Variants in PDZD8 observed in about 807,000 individuals in gnomAD.
PDZD8 encodes PDZ domain-containing protein 8.
A neutral mutation model predicts 85.8 loss-of-function variants in PDZD8; 14 were observed. The ratio of observed to expected loss-of-function variants is 0.16; its 90% CI spans 0.11 to 0.26. The LOEUF is 0.26. PDZD8 is among the 10% of genes least tolerant of loss of function. The probability of loss-of-function intolerance (pLI) is 1.00; values close to 1 mark genes in which losing one functional copy is unlikely to be tolerated. For missense variants in PDZD8, 1,197 were observed against 1,424.3 expected (o/e 0.84, Z 2.57); for synonymous variants, 592 against 568.6 (o/e 1.04, Z -0.59).
intron 1 of PDZD8, among the ~76,000 whole-genome samples, chr10:117,359,694 G>C (rs943234132): frequency 6.6e-6 from 1 of 152,196 alleles, no homozygotes; most frequent in African/African-American, 2.4e-5. Context: ...CTGGGTGACA[G>C]AGTGAGACTC....
intron 1 of PDZD8, among the ~76,000 whole-genome samples, chr10:117,354,193 T>C (rs1051887020): frequency 3.9e-5 from 6 of 152,228 alleles, no homozygotes; most frequent in African/African-American, 1.4e-4. Context: ...CGGAGAATGT[T>C]GGGATTTCTG....
rs893843608 is a variant in PDZD8, at chr10:117,331,445, A to G, written c.995+9535T>C. Among the ~76,000 whole-genome samples, 7 of 152,338 alleles carry G rather than the reference A, an allele frequency of 4.6e-5. No individual in the cohort carries two copies. The East Asian group carries it at 9.7e-4, about 21-fold the overall frequency. On this transcript the variant is annotated intron_variant, in intron 2 of 4. Transcript: ENST00000334464. ...CTAATAAATGAAAAGTCTGGACTATATAAGTTGAGACAAATGGGTTGAAAA... is the reference window on the plus strand; with the variant it reads ...CTAATAAATGAAAAGTCTGGACTATGTAAGTTGAGACAAATGGGTTGAAAA...
chr10:117,327,448 G>A (rs986161733), intron 2 of PDZD8, among the ~76,000 whole-genome samples: 5 of 152,222 alleles, frequency 3.3e-5, no homozygotes, highest in African/African-American at 1.2e-4. Context: ...CTGAAAACAG[G>A]TGATTCCAGT....
rs117778259 is a variant in PDZD8, at chr10:117,293,844, A to T, written c.1099-3496T>A. ...CAAATATCAGTAATTTTAAAAAGAC[A>T]GAACTCTTACAAAGCATGTTTTCTG... On this transcript the variant is annotated intron_variant, in intron 3 of 4. Coordinates refer to ENST00000334464, the MANE Select transcript of PDZD8 (RefSeq NM_173791.5). 4.9e-4 allele frequency among the ~76,000 whole-genome samples: 74 copies of T among 152,298 alleles called. 2 individuals carry two copies. The East Asian group carries it at 0.013, about 27-fold the overall frequency.
At position 117,281,336 on chromosome 10, in the gene PDZD8, A is replaced by G. The variant is rs1193388475; in HGVS notation, c.*1932T>C. ...GCCACTGCACTCCAGCCTGGGAGAC[A>G]GCGAGACTCTGTCTCAAAAAAAAAA... On this transcript the variant is annotated 3_prime_UTR_variant, in exon 5 of 5. Transcript: ENST00000334464. The G allele has an allele frequency of 8.1e-6, 1 of 123,168 alleles. No homozygotes were observed. The highest frequency in any genetic ancestry group is 1.6e-5 in the Non-Finnish European group (1 of 61,050). The allele number at this position is 123,168 out of a possible 1,614,324, so 7.6% of individuals were successfully genotyped here. A position where few individuals can be genotyped will look rare whatever the true frequency, so the allele number is the denominator to read the frequency against.
intron 1 of PDZD8, among the ~76,000 whole-genome samples, chr10:117,354,923 G>A (rs980758513): frequency 6.6e-6 from 1 of 152,158 alleles, no homozygotes; most frequent in African/African-American, 2.4e-5. Context: ...CATTAAAAGT[G>A]TAATTTTCAA....
At chr10:117,296,258 T>C (rs1401940088) in intron 3 of PDZD8, among the ~76,000 whole-genome samples, 1 of 151,994 alleles carries the variant, frequency 6.6e-6, no homozygotes, top group African/African-American at 2.4e-5. Flanking sequence ...TCTATTACAA[T>C]AGTATTAAAA....
At chr10:117,334,389 G>C (rs187201211) in intron 2 of PDZD8, among the ~76,000 whole-genome samples, 50 of 152,188 alleles carry the variant, frequency 3.3e-4, no homozygotes, top group Admixed American at 1.2e-3. Context: ...CATGCCTGTG[G>C]TCCCAGCTAC....
rs1049535768 is a variant in PDZD8 at position 117,278,695 on chromosome 10, C to T, written c.*4573G>A. The T allele has an allele frequency of 1.3e-5, 2 of 152,196 alleles. No homozygotes were observed. The highest frequency in any genetic ancestry group is 2.4e-5 in the African/African-American group (1 of 41,458). 9.4% of individuals were successfully genotyped at this position (152,196 alleles called of 1,614,324 possible). A position where few individuals can be genotyped will look rare whatever the true frequency, so the allele number is the denominator to read the frequency against. ...GAGCAAAGAACTTTAGAACAGACTC[C>T]TCAATCTTGTGACTTTCTTATTCTC... is the stretch of plus-strand genomic sequence containing the variant. On this transcript the variant is annotated 3_prime_UTR_variant, in exon 5 of 5. Coordinates refer to ENST00000334464, the MANE Select transcript of PDZD8 (RefSeq NM_173791.5).
chr10:117,375,120 G>A lies in PDZD8; in HGVS notation c.108C>T (p.Asp36=), dbSNP rs768803622. The change falls in exon 1 of 5, where the codon GAC becomes GAT. Residue 36 remains aspartate (D), a synonymous_variant. Coordinates refer to ENST00000334464, the MANE Select transcript of PDZD8 (RefSeq NM_173791.5). The part of the protein sequence containing the change: ...LYRRQPEPPA[D]EAARAGEGFR... ...AGCCCTCGCCCGCGCGGGCGGCCTC[G>A]TCCGCCGGCGGCTCGGGCTGTCTGC... 2 of 1,592,684 alleles carry A rather than the reference G, an allele frequency of 1.3e-6. No homozygotes were observed. Among genetic ancestry groups the A allele is most frequent in the South Asian group, 1.1e-5 (1 of 89,808 alleles).
Position 117,277,874 on chromosome 10 carries a change from A to G in PDZD8, c.*5394T>C, listed in dbSNP as rs1409339723. ...AAATCTTAGCTGGCATTAGTTTTCT[A>G]TGTAATCACCTACCTAGAGAGAGTT... On this transcript the variant is annotated 3_prime_UTR_variant, in exon 5 of 5. Coordinates refer to ENST00000334464, the MANE Select transcript of PDZD8 (RefSeq NM_173791.5). The G allele has an allele frequency of 1.3e-5, 2 of 152,232 alleles. No homozygotes were observed. The highest frequency in any genetic ancestry group is 2.4e-5 in the African/African-American group (1 of 41,468). The allele number at this position is 152,232 out of a possible 1,614,324, so 9.4% of individuals were successfully genotyped here.
chr10:117,356,361 A>C (rs542802516), intron 1 of PDZD8, among the ~76,000 whole-genome samples: 25 of 152,370 alleles, frequency 1.6e-4, no homozygotes, highest in African/African-American at 6.0e-4. Context: ...TTATCATTAA[A>C]ATTTGAAAAT....
chr10:117,298,432 CA>C (rs1036388846), intron 3 of PDZD8, among the ~76,000 whole-genome samples: 1 of 151,806 alleles, frequency 6.6e-6, no homozygotes, highest in Non-Finnish European at 1.5e-5. Flanking sequence ...CTTAATATAC[CA>C]AATTTTAGAC....
intron 2 of PDZD8, among the ~76,000 whole-genome samples, chr10:117,333,050 C>A (rs933499265): frequency 2.7e-4 from 35 of 129,380 alleles, no homozygotes; most frequent in African/African-American, 9.9e-4. Flanking sequence ...ACTTGGTAGG[C>A]ATAGGTTGTG....
At position 117,297,318 on chromosome 10, in the gene PDZD8, T is replaced by C. The variant is rs192548731; in HGVS notation, c.1099-6970A>G. Among the ~76,000 whole-genome samples, 31 of 152,266 alleles carry C rather than the reference T, an allele frequency of 2.0e-4. No homozygotes were observed. The East Asian group carries it at 5.8e-3, about 28-fold the overall frequency. On this transcript the variant is annotated intron_variant, in intron 3 of 4. Coordinates refer to ENST00000334464, the MANE Select transcript of PDZD8 (RefSeq NM_173791.5). ...CTCTCCTATATTGCTGATGGGAATA[T>C]AAAATGGTACAGCTACTTTGGAAAG...
rs753837678 is a variant in PDZD8 at position 117,284,663 on chromosome 10, T to C, written c.2070A>G (p.Leu690=). 1.2e-6 allele frequency: 2 copies of C among 1,614,212 alleles called. No individual in the cohort carries two copies. Among genetic ancestry groups the C allele is most frequent in the South Asian group, 2.2e-5 (2 of 91,086 alleles). The change falls in exon 5 of 5, where the codon CTA becomes CTG. Residue 690 remains leucine (L), a synonymous_variant. Transcript: ENST00000334464. ...ESSEILYRNK[L]GKWTRTRASC... is the part of the protein sequence containing the mutation. The stretch of plus-strand genomic sequence containing the variant: ...ATGCTCTGGTTCTTGTCCATTTTCC[T>C]AGCTTATTACGATAAAGAATTTCTG...
intron 1 of PDZD8, among the ~76,000 whole-genome samples, chr10:117,373,324 T>TA (rs1428507291): frequency 6.6e-6 from 1 of 152,132 alleles, no homozygotes; most frequent in Non-Finnish European, 1.5e-5. Flanking sequence ...GAGAAGAACT[T>TA]ACAGTCACAG....
At chr10:117,373,906 T>C (rs1431399298) in intron 1 of PDZD8, among the ~76,000 whole-genome samples, 1 of 152,176 alleles carries the variant, frequency 6.6e-6, no homozygotes, top group South Asian at 2.1e-4. Context: ...ACCTGGGCTA[T>C]AAGCACACTC....
At chr10:117,371,250 T>C (rs1022619018) in intron 1 of PDZD8, among the ~76,000 whole-genome samples, 3 of 152,188 alleles carry the variant, frequency 2.0e-5, no homozygotes, top group Non-Finnish European at 2.9e-5. Flanking sequence ...AGTGGTGCGA[T>C]ATCGGCTGGC....
Sources: gnomAD v4.1 joint callset for allele counts (sites outside exome capture counted in the v4.1 genomes callset) on GRCh38, gnomAD v4.1.1 for gene constraint, MANE v1.5 for transcripts, NCBI Gene and HGNC (gene_info 2026-07-23, HGNC 2026-07-21) for gene names.